Variants in CSNK1G3 observed in about 807,000 individuals in gnomAD.
CSNK1G3 encodes the protein casein kinase I isoform gamma-3.
CSNK1G3 carries 23 observed loss-of-function variants against 64.3 expected under a neutral mutation model. The ratio of observed to expected loss-of-function variants is 0.36; its 90% CI spans 0.26 to 0.51. The LOEUF (loss-of-function observed/expected upper bound fraction) is 0.51. Ranked by LOEUF, CSNK1G3 falls within the 20% of genes least tolerant of loss-of-function variation. CSNK1G3 has a pLI of 0.96. For missense variants in CSNK1G3, 357 were observed against 510.5 expected (o/e 0.70, Z 2.90); for synonymous variants, 158 against 162.2 (o/e 0.97, Z 0.20).
chr5:123,571,924 G>A (rs1358784967), intron 4 of CSNK1G3, among the ~76,000 whole-genome samples: 1 of 152,150 alleles, frequency 6.6e-6, no homozygotes, highest in East Asian at 1.9e-4. Flanking sequence ...GCATTACAAT[G>A]GGAATATATG....
At chr5:123,528,137 T>G (rs535140213) in intron 1 of CSNK1G3, among the ~76,000 whole-genome samples, 1 of 152,300 alleles carries the variant, frequency 6.6e-6, no homozygotes, top group South Asian at 2.1e-4. Context: ...GAGGCTCTTA[T>G]TGTTTAATGA....
intron 2 of CSNK1G3, among the ~76,000 whole-genome samples, chr5:123,551,534 T>C (rs1030552527): frequency 6.6e-6 from 1 of 152,204 alleles, no homozygotes; most frequent in African/African-American, 2.4e-5. Context: ...TTTTGCCCTT[T>C]ATTTTCTCTC....
chr5:123,573,045 A>G (rs1489524576), intron 4 of CSNK1G3, among the ~76,000 whole-genome samples: 1 of 152,192 alleles, frequency 6.6e-6, no homozygotes, highest in East Asian at 1.9e-4. Flanking sequence ...TTTCAGTAGA[A>G]CTGGAATCTC....
rs116225967 is a variant in CSNK1G3, at chr5:123,540,310, C to T, written c.-247-5107C>T. On this transcript the variant is annotated intron_variant, in intron 1 of 12. Coordinates refer to ENST00000345990, the Ensembl canonical transcript of CSNK1G3. Reference sequence around the variant, plus strand: ...GAATTCCTGTTTTTGCTCATTAAGACTACATTTTTTGCTCATTAAGACTAT... The same window carrying T: ...GAATTCCTGTTTTTGCTCATTAAGATTACATTTTTTGCTCATTAAGACTAT... 5.2e-3 allele frequency among the ~76,000 whole-genome samples: 791 copies of T among 151,826 alleles called. 5 individuals are homozygous for T. Among genetic ancestry groups the T allele is most frequent in the Admixed American group, 9.0e-3 (137 of 15,216 alleles).
chr5:123,597,153 GAA>G (rs1245019319), intron 10 of CSNK1G3, among the ~76,000 whole-genome samples: 1 of 152,022 alleles, frequency 6.6e-6, no homozygotes, highest in Non-Finnish European at 1.5e-5. Flanking sequence ...AGGGAGGAGA[GAA>G]AGAGAAAAAA....
intron 1 of CSNK1G3, among the ~76,000 whole-genome samples, chr5:123,535,039 A>G (rs567665863): frequency 1.3e-5 from 2 of 152,290 alleles, no homozygotes; most frequent in African/African-American, 2.4e-5. Context: ...GACATGATCC[A>G]TATGCATTGG....
At chr5:123,612,785 C>A (rs1014977443) in intron 12 of CSNK1G3, among the ~76,000 whole-genome samples, 5 of 152,252 alleles carry the variant, frequency 3.3e-5, no homozygotes, top group Admixed American at 2.0e-4. Context: ...CAAAACTATT[C>A]TTCTATGAAT....
intron 1 of CSNK1G3, among the ~76,000 whole-genome samples, chr5:123,540,735 C>A (rs1321411569): frequency 6.6e-6 from 1 of 152,220 alleles, no homozygotes; most frequent in South Asian, 2.1e-4. Flanking sequence ...CAGGTTCAAT[C>A]GATTTTGCTG....
intron 6 of CSNK1G3, 127 bp from the exon 7 acceptor site, chr5:123,587,941 T>A (rs1022058491): frequency 1.7e-6 from 1 of 594,080 alleles, no homozygotes; most frequent in Non-Finnish European, 2.9e-6. Flanking sequence ...AGTTACTAGA[T>A]CTGTATTTTG....
At chr5:123,526,339 G>A (rs1480598869) in intron 1 of CSNK1G3, among the ~76,000 whole-genome samples, 1 of 152,080 alleles carries the variant, frequency 6.6e-6, no homozygotes, top group Admixed American at 6.5e-5. Context: ...ACAGGCATGA[G>A]CCACCAGCCT....
chr5:123,604,692 A>C, intron 10 of CSNK1G3, 32 bp from the exon 12 acceptor site: 1 of 1,211,998 alleles, frequency 8.3e-7, no homozygotes, highest in East Asian at 2.5e-5. Flanking sequence ...GTGTGTACAT[A>C]TACATATATA....
At chr5:123,523,456 A>AT (rs1228571793) in intron 1 of CSNK1G3, among the ~76,000 whole-genome samples, 2 of 152,120 alleles carry the variant, frequency 1.3e-5, no homozygotes, top group Non-Finnish European at 2.9e-5. Context: ...AGAGCAAGCC[A>AT]TTTTAGGATG....
chr5:123,601,633 T>TTTCTACACTGTA (rs1347233587), intron 10 of CSNK1G3, among the ~76,000 whole-genome samples: 1 of 152,202 alleles, frequency 6.6e-6, no homozygotes, highest in Non-Finnish European at 1.5e-5. Flanking sequence ...TTACAGTGTA[T>TTTCTACACTGTA]ATATAGTCAC....
exon 6 of CSNK1G3, chr5:123,575,899 C>T: frequency 6.2e-7 from 1 of 1,613,510 alleles, no homozygotes; most frequent in Non-Finnish European, 8.5e-7. Context: ...ACATACCATA[C>T]AGAGAACACA....
intron 1 of CSNK1G3, among the ~76,000 whole-genome samples, chr5:123,536,184 A>G (rs1393594911): frequency 6.6e-6 from 1 of 152,120 alleles, no homozygotes; most frequent in East Asian, 1.9e-4. Flanking sequence ...GCTTTGGAGC[A>G]TACACATCAA....
At chr5:123,541,725 G>T (rs1359269264) in intron 1 of CSNK1G3, among the ~76,000 whole-genome samples, 1 of 152,082 alleles carries the variant, frequency 6.6e-6, no homozygotes, top group Non-Finnish European at 1.5e-5. Flanking sequence ...AGCCACTGCT[G>T]TGTCTTTGTA....
intron 4 of CSNK1G3, among the ~76,000 whole-genome samples, chr5:123,559,438 A>G (rs1785253884): frequency 6.6e-6 from 1 of 152,198 alleles, no homozygotes; most frequent in South Asian, 2.1e-4. Flanking sequence ...TATGTCAGAG[A>G]TAGTAAGAAT....
chr5:123,562,435 C>T (rs891819019), intron 4 of CSNK1G3, among the ~76,000 whole-genome samples: 2 of 151,964 alleles, frequency 1.3e-5, no homozygotes, highest in Admixed American at 1.3e-4. Context: ...CTTGTAGGTT[C>T]TTGGTAAATG....
chr5:123,539,503 G>A (rs1781360883), intron 1 of CSNK1G3, among the ~76,000 whole-genome samples: 2 of 148,976 alleles, frequency 1.3e-5, no homozygotes, highest in African/African-American at 4.9e-5. Context: ...GTAGTGCATT[G>A]ATTTCAAATG....
Sources: gnomAD v4.1 joint callset for allele counts (sites outside exome capture counted in the v4.1 genomes callset) on GRCh38, gnomAD v4.1.1 for gene constraint, MANE v1.5 for transcripts, NCBI Gene and HGNC (gene_info 2026-07-23, HGNC 2026-07-21) for gene names.